Variants in IRAG2 observed in about 807,000 individuals in gnomAD.
The protein encoded by IRAG2 is inositol 1,4,5-triphosphate receptor associated 2.
A neutral mutation model predicts 69.9 loss-of-function variants in IRAG2; 45 were observed. The observed-to-expected ratio is 0.64, with a 90% CI of 0.51 to 0.83. The LOEUF is 0.83. Ranked by LOEUF, IRAG2 falls within the 40% of genes least tolerant of loss-of-function variation. IRAG2 has a pLI of 0.00. For synonymous variants in IRAG2, 193 were observed against 202.4 expected (o/e 0.95, Z 0.40); for missense variants, 520 against 587.0 (o/e 0.89, Z 1.18).
chr12:25,025,022 A>G (rs192852441), intron 8 of IRAG2, among the ~76,000 whole-genome samples: 1 of 152,352 alleles, frequency 6.6e-6, no homozygotes, highest in East Asian at 1.9e-4. Flanking sequence ...CATTGTGAAG[A>G]GTAACATCAC....
intron 12 of IRAG2, chr12:25,032,507 G>A: frequency 2.5e-6 from 1 of 396,834 alleles, no homozygotes; most frequent in East Asian, 3.6e-5. Flanking sequence ...TTCTCCATGA[G>A]AACTTCTTTG....
Position 25,080,368 on chromosome 12 carries a change from T to TTC in IRAG2, c.244+606_244+607insCT, listed in dbSNP as rs201082420. 4.8e-3 allele frequency among the ~76,000 whole-genome samples: 729 copies of TTC among 151,700 alleles called. 9 individuals carry two copies. Among genetic ancestry groups the TTC allele is most frequent in the African/African-American group, 0.017 (684 of 41,300 alleles). On this transcript the variant is annotated intron_variant, in intron 9 of 21. Transcript: ENST00000556887. Reference sequence around the variant, plus strand: ...TTTTTCTTTTATCTTTTTTTTTTTTTTGAGACGGAGTCTCGTTGTGTCGCC... The same window carrying TTC: ...TTTTTCTTTTATCTTTTTTTTTTTTTTCTGAGACGGAGTCTCGTTGTGTCGCC...
chr12:25,003,492 C>T (rs529586032), upstream of IRAG2, among the ~76,000 whole-genome samples: 18 of 151,670 alleles, frequency 1.2e-4, no homozygotes, highest in Admixed American at 2.6e-4. Flanking sequence ...ACTACAGGCA[C>T]GCACCACCAC....
At chr12:25,050,206 G>A (rs1944831886), upstream of IRAG2, among the ~76,000 whole-genome samples, 1 of 151,652 alleles carries the variant, frequency 6.6e-6, no homozygotes, top group Admixed American at 6.6e-5. Flanking sequence ...GCACAGTTGG[G>A]GGAATGGAAA....
intron 1 of IRAG2, among the ~76,000 whole-genome samples, chr12:25,054,063 C>G (rs1020168587): frequency 7.2e-5 from 11 of 152,066 alleles, no homozygotes; most frequent in Non-Finnish European, 1.3e-4. Flanking sequence ...GAAACCCTGT[C>G]TCTACAAAAA....
intron 10 of IRAG2, among the ~76,000 whole-genome samples, chr12:25,030,725 C>CT (rs1366207960): frequency 6.6e-6 from 1 of 152,168 alleles, no homozygotes; most frequent in Non-Finnish European, 1.5e-5. Context: ...TGAGACTTTC[C>CT]TTTATAGCAC....
intron 15 of IRAG2, 116 bp from the exon 16 acceptor site, chr12:25,101,062 T>C (rs1257764887): frequency 3.7e-6 from 3 of 801,396 alleles, no homozygotes; most frequent in Non-Finnish European, 5.5e-6. Context: ...AAAAAAAACA[T>C]TTATTGCCAC....
intron 3 of IRAG2, among the ~76,000 whole-genome samples, chr12:25,011,867 C>G (rs1289950661): frequency 6.6e-6 from 1 of 152,094 alleles, no homozygotes; most frequent in Non-Finnish European, 1.5e-5. Flanking sequence ...GTGATACTCT[C>G]ACAGAGAATT....
At chr12:25,088,235 A>G (rs753902990) in intron 11 of IRAG2, 78 bp downstream of exon 11, 12 of 1,160,430 alleles carry the variant, frequency 1.0e-5, no homozygotes, top group Non-Finnish European at 1.6e-5. Context: ...CTGTCTGAAT[A>G]AAGCTATGTC....
At chr12:25,097,155 G>T in intron 15 of IRAG2, 111 bp downstream of exon 15, 1 of 1,083,052 alleles carries the variant, frequency 9.2e-7, no homozygotes, top group Middle Eastern at 2.5e-4. Flanking sequence ...TACTTTTGTT[G>T]TATAAGACAT....
chr12:25,077,299 A>AATATATATATCAT lies in IRAG2; in HGVS notation c.25-1937_25-1936insATCATATATATAT, dbSNP rs1266747085. Among the ~76,000 whole-genome samples the AATATATATATCAT allele has an allele frequency of 3.3e-4, 13 of 39,512 alleles. 1 individual carries two copies. Among genetic ancestry groups the AATATATATATCAT allele is most frequent in the South Asian group, 8.6e-4 (1 of 1,158 alleles). 25.9% of individuals were successfully genotyped at this position (39,512 alleles called of 152,430 possible). ...TGAAATATATATGATATATATATGA[A>AATATATATATCAT]ATATATATGATATATATGATATATA... On this transcript the variant is annotated intron_variant, in intron 6 of 21. Coordinates refer to ENST00000556887, the MANE Select transcript of IRAG2 (RefSeq NM_001366544.2).
Position 25,107,978 on chromosome 12 carries a change from A to C in IRAG2, c.1418A>C (p.Gln473Pro), listed in dbSNP as rs1949327193. ...AAGTCTGTGGATGCCGCTCCCACAC[A>C]GCAAGAGGACTCATGGACGTCTCTA... is the stretch of plus-strand genomic sequence containing the variant. ...FQKSVDAAPT[Q>P]QEDSWTSLEH... Residue 473 changes from glutamine (Q) to proline (P), a missense_variant, in exon 22 of 22, where the codon CAG becomes CCG. Coordinates refer to ENST00000556887, the MANE Select transcript of IRAG2 (RefSeq NM_001366544.2). 6.2e-7 allele frequency: 1 copy of C among 1,614,092 alleles called. No homozygotes were observed. The highest frequency in any genetic ancestry group is 1.7e-5 in the Admixed American group (1 of 59,988).
chr12:25,085,547 T>G (rs1218351299), intron 10 of IRAG2, among the ~76,000 whole-genome samples: 2 of 152,194 alleles, frequency 1.3e-5, no homozygotes, highest in Non-Finnish European at 2.9e-5. Flanking sequence ...TTGTGTTGTG[T>G]GCCCACTAAG....
chr12:25,103,814 G>C (rs1219836850), intron 17 of IRAG2, 23 bp from the exon 18 acceptor site: 1 of 1,560,052 alleles, frequency 6.4e-7, no homozygotes. Flanking sequence ...TTTTCTAAAT[G>C]TACATTTTCC....
chr12:25,012,226 C>T (rs1387008840), intron 3 of IRAG2, among the ~76,000 whole-genome samples: 1 of 142,406 alleles, frequency 7.0e-6, no homozygotes, highest in Non-Finnish European at 1.5e-5. Flanking sequence ...GCAATCTCTG[C>T]TCACTGCAAC....
Position 25,103,833 on chromosome 12 carries a change from G to T in IRAG2, c.934-4G>T, listed in dbSNP as rs753345197. The T allele has an allele frequency of 2.2e-5, 36 of 1,606,728 alleles. No homozygotes were observed. Among genetic ancestry groups the T allele is most frequent in the Non-Finnish European group, 3.0e-5 (35 of 1,174,056 alleles). On this transcript the variant is annotated splice_polypyrimidine_tract_variant and splice_region_variant and intron_variant, in intron 17 of 21. Coordinates refer to ENST00000556887, the MANE Select transcript of IRAG2 (RefSeq NM_001366544.2). ...CTAAATGTACATTTTCCTCCTTCTG[G>T]TAGCCATCTTCTCTACGAAGAGTGA...
intron 7 of IRAG2, chr12:25,023,860 C>A: frequency 8.3e-7 from 1 of 1,204,228 alleles, no homozygotes. Context: ...ATTTTTCTCA[C>A]AATGAATTAG....
intron 2 of IRAG2, among the ~76,000 whole-genome samples, chr12:25,062,181 A>G (rs1282250698): frequency 6.6e-6 from 1 of 152,202 alleles, no homozygotes; most frequent in Non-Finnish European, 1.5e-5. Flanking sequence ...GAAGAACATA[A>G]GGGAACAGCA....
intron 14 of IRAG2, among the ~76,000 whole-genome samples, chr12:25,091,554 G>A (rs893283814): frequency 1.1e-4 from 17 of 152,158 alleles, no homozygotes; most frequent in South Asian, 8.3e-4. Flanking sequence ...TGTTAGAAAC[G>A]TAGGTGTATA....
Sources: gnomAD v4.1 joint callset for allele counts (sites outside exome capture counted in the v4.1 genomes callset) on GRCh38, gnomAD v4.1.1 for gene constraint, MANE v1.5 for transcripts, NCBI Gene and HGNC (gene_info 2026-07-23, HGNC 2026-07-21) for gene names.